The following PLXDC2 variants were observed in gnomAD, a reference collection of about 807,000 sequenced individuals.
The protein encoded by PLXDC2 is plexin domain-containing protein 2.
A neutral mutation model predicts 68.9 loss-of-function variants in PLXDC2; 40 were observed. The ratio of observed to expected loss-of-function variants is 0.58; its 90% CI spans 0.45 to 0.76. The LOEUF is 0.76. Among genes scored for constraint, PLXDC2 ranks in the 30% least tolerant of loss-of-function variants. The pLI is 0.00. For synonymous variants in PLXDC2, 243 were observed against 234.2 expected, an observed-to-expected ratio of 1.04 and a Z score of -0.34; for missense variants, 644 against 661.9, an observed-to-expected ratio of 0.97 and a Z score of 0.30.
chr10:20,015,240 A>C (rs1301219575), intron 2 of PLXDC2, among the ~76,000 whole-genome samples: 1 of 152,162 alleles, frequency 6.6e-6, no homozygotes, highest in Non-Finnish European at 1.5e-5. Context: ...AGAACTTGGC[A>C]TTGCCAGCAG....
At chr10:20,024,204 A>G (rs1254331243) in intron 2 of PLXDC2, among the ~76,000 whole-genome samples, 1 of 152,208 alleles carries the variant, frequency 6.6e-6, no homozygotes, top group Non-Finnish European at 1.5e-5. Flanking sequence ...TGTAATAAAA[A>G]ACTCTAAGCC....
intron 12 of PLXDC2, among the ~76,000 whole-genome samples, chr10:20,222,948 A>G (rs1333219573): frequency 6.6e-6 from 1 of 152,212 alleles, no homozygotes; most frequent in Non-Finnish European, 1.5e-5. Flanking sequence ...GTATAATCAG[A>G]TAGTTTATCT....
chr10:20,040,585 G>A lies in PLXDC2; in HGVS notation c.325-6284G>A, dbSNP rs1202189807. Among the ~76,000 whole-genome samples, 2 of 152,086 alleles carry A rather than the reference G, an allele frequency of 1.3e-5. 1 individual carries two copies. The highest frequency in any genetic ancestry group is 4.8e-5 in the African/African-American group (2 of 41,414). ...CTGGAGGATACCCTTTCCATTGCAG[G>A]GTGGCCAGACTGTAGCTTGCAGGAG... is the stretch of plus-strand genomic sequence containing the variant. On this transcript the variant is annotated intron_variant, in intron 2 of 13. Transcript: ENST00000377252.
At chr10:20,077,386 G>A (rs1170943208) in intron 4 of PLXDC2, among the ~76,000 whole-genome samples, 1 of 152,110 alleles carries the variant, frequency 6.6e-6, no homozygotes, top group Non-Finnish European at 1.5e-5. Context: ...CAATGTGAAA[G>A]TAGGTAAAAA....
At chr10:20,184,491 G>A (rs939154038) in intron 9 of PLXDC2, among the ~76,000 whole-genome samples, 1 of 151,290 alleles carries the variant, frequency 6.6e-6, no homozygotes, top group East Asian at 1.9e-4. Flanking sequence ...CAGAAATGTT[G>A]GCTAATTGGT....
chr10:19,841,655 T>G (rs1402592473), intron 1 of PLXDC2, among the ~76,000 whole-genome samples: 1 of 151,810 alleles, frequency 6.6e-6, no homozygotes, highest in Admixed American at 6.6e-5. Flanking sequence ...TCTTTCTTCA[T>G]TTGTAAAATG....
At chr10:20,138,873 A>G (rs1449629911) in intron 4 of PLXDC2, among the ~76,000 whole-genome samples, 6 of 152,174 alleles carry the variant, frequency 3.9e-5, no homozygotes, top group Admixed American at 1.3e-4. Flanking sequence ...AAATCGTGCC[A>G]CTACACTCCA....
chr10:20,131,168 T>C (rs1209796155), intron 4 of PLXDC2, among the ~76,000 whole-genome samples: 2 of 151,782 alleles, frequency 1.3e-5, no homozygotes, highest in Non-Finnish European at 2.9e-5. Context: ...ACTTGTTATT[T>C]TTTTTTTTTC....
chr10:20,071,538 C>A (rs575858408), intron 4 of PLXDC2, among the ~76,000 whole-genome samples: 26 of 152,298 alleles, frequency 1.7e-4, no homozygotes, highest in African/African-American at 6.3e-4. Context: ...CCTGCACACA[C>A]CCTCTCTTGC....
intron 6 of PLXDC2, among the ~76,000 whole-genome samples, chr10:20,162,973 T>C (rs894119894): frequency 2.6e-5 from 4 of 151,230 alleles, no homozygotes; most frequent in African/African-American, 9.7e-5. Context: ...CTCAGCTATT[T>C]GGGAGGCTGA....
chr10:20,259,737 G>A (rs966415332), intron 13 of PLXDC2, among the ~76,000 whole-genome samples: 1 of 152,134 alleles, frequency 6.6e-6, no homozygotes, highest in African/African-American at 2.4e-5. Context: ...AAAGTGAGAG[G>A]GGCAAGTGCC....
intron 13 of PLXDC2, among the ~76,000 whole-genome samples, chr10:20,277,065 C>T (rs900983945): frequency 3.3e-5 from 5 of 151,692 alleles, no homozygotes; most frequent in African/African-American, 1.2e-4. Flanking sequence ...AAAAACTAGC[C>T]GTGTGCTGTG....
intron 2 of PLXDC2, among the ~76,000 whole-genome samples, chr10:20,007,322 A>G (rs1374468682): frequency 6.6e-6 from 1 of 152,234 alleles, no homozygotes; most frequent in Non-Finnish European, 1.5e-5. Flanking sequence ...CAGTTTCATC[A>G]GCCTATTGCT....
chr10:20,126,401 A>ATACATATG (rs1236200727), intron 4 of PLXDC2, among the ~76,000 whole-genome samples: 1 of 142,866 alleles, frequency 7.0e-6, no homozygotes, highest in Non-Finnish European at 1.5e-5. Context: ...TAATACATAT[A>ATACATATG]TGTATATACA....
chr10:19,883,289 CA>C (rs35397161), intron 1 of PLXDC2, among the ~76,000 whole-genome samples: 42,782 of 151,890 alleles, frequency 0.28, 6,186 homozygotes, highest in East Asian at 0.38. Context: ...AACAAAATTG[CA>C]AGTTAAAAGT....
rs1049472877 is a variant in PLXDC2, at chr10:20,280,920, T to A, written c.*1101T>A. ...TAGTAGTTACATAAATATATATATA[T>A]AAATATATTTTTGTTTATAACTAAC... On this transcript the variant is annotated 3_prime_UTR_variant, in exon 14 of 14. Transcript: ENST00000377252. 3.6e-4 allele frequency: 55 copies of A among 151,934 alleles called. No homozygotes were observed. The highest frequency in any genetic ancestry group is 3.4e-3 in the Middle Eastern group (1 of 292). 9.4% of individuals were successfully genotyped at this position (151,934 alleles called of 1,614,324 possible).
intron 4 of PLXDC2, among the ~76,000 whole-genome samples, chr10:20,105,180 C>T (rs183070631): frequency 1.5e-3 from 230 of 152,282 alleles, no homozygotes; most frequent in African/African-American, 5.1e-3. Flanking sequence ...ACTCTCCACC[C>T]GCCTTTTATT....
chr10:20,044,215 T>TC (rs1564293880), intron 2 of PLXDC2, among the ~76,000 whole-genome samples: 2 of 6,776 alleles, frequency 3.0e-4, no homozygotes, highest in South Asian at 3.6e-3. Flanking sequence ...CTCTCTGTCT[T>TC]TCTTTCTTTC....
At chr10:20,096,410 A>G (rs1833350606) in intron 4 of PLXDC2, among the ~76,000 whole-genome samples, 1 of 152,122 alleles carries the variant, frequency 6.6e-6, no homozygotes, top group African/African-American at 2.4e-5. Context: ...GGATGAACAG[A>G]AAAGAGAAGG....
Sources: gnomAD v4.1 joint callset for allele counts (sites outside exome capture counted in the v4.1 genomes callset) on GRCh38, gnomAD v4.1.1 for gene constraint, MANE v1.5 for transcripts, NCBI Gene and HGNC (gene_info 2026-07-23, HGNC 2026-07-21) for gene names.